The following DLGAP2 variants were observed in gnomAD, a reference collection of about 807,000 sequenced individuals.
DLGAP2 encodes the protein disks large-associated protein 2.
A neutral mutation model predicts 100.3 loss-of-function variants in DLGAP2; 26 were observed. The observed-to-expected ratio is 0.26, with a 90% CI of 0.19 to 0.36. The LOEUF (loss-of-function observed/expected upper bound fraction) is 0.36, where lower values mean the gene tolerates loss of function less well. Ranked by LOEUF, DLGAP2 falls within the 10% of genes least tolerant of loss-of-function variation. The probability of loss-of-function intolerance (pLI) is 1.00; values close to 1 mark genes in which losing one functional copy is unlikely to be tolerated. For synonymous variants in DLGAP2, 886 were observed against 630.1 expected (o/e 1.41, Z -6.08); for missense variants, 1,858 against 1,453.2 (o/e 1.28, Z -4.53).
intron 1 of DLGAP2, among the ~76,000 whole-genome samples, chr8:881,304 C>T (rs1490703860): frequency 2.0e-5 from 3 of 152,026 alleles, no homozygotes; most frequent in Non-Finnish European, 4.4e-5. Context: ...CTCATTTATT[C>T]CTCAGTTTTA....
intron 3 of DLGAP2, among the ~76,000 whole-genome samples, chr8:1,308,456 C>G (rs1467776029): frequency 6.6e-6 from 1 of 152,190 alleles, no homozygotes; most frequent in Non-Finnish European, 1.5e-5. Context: ...CAGTTTTCAA[C>G]AAAATGACTA....
chr8:1,427,280 T>C (rs945769603), intron 3 of DLGAP2, among the ~76,000 whole-genome samples: 11 of 152,180 alleles, frequency 7.2e-5, no homozygotes, highest in African/African-American at 2.2e-4. Context: ...TTAGTGAGGA[T>C]ATAGATGATT....
At chr8:1,476,761 CG>C (rs1563171904) in intron 3 of DLGAP2, among the ~76,000 whole-genome samples, 3 of 147,070 alleles carry the variant, frequency 2.0e-5, no homozygotes, top group African/African-American at 5.1e-5. Flanking sequence ...CCTTGATGGC[CG>C]AGTGCTGTCG....
intron 6 of DLGAP2, among the ~76,000 whole-genome samples, chr8:1,617,514 A>G (rs1319251997): frequency 6.6e-6 from 1 of 152,204 alleles, no homozygotes; most frequent in African/African-American, 2.4e-5. Context: ...TGTTGGCCAC[A>G]TGTATGTCTT....
chr8:1,175,467 T>G lies in DLGAP2; in HGVS notation c.74-83384T>G, dbSNP rs529314695. 2.6e-5 allele frequency among the ~76,000 whole-genome samples: 4 copies of G among 152,334 alleles called. No homozygotes were observed. The East Asian group carries it at 5.8e-4, about 22-fold the overall frequency. On this transcript the variant is annotated intron_variant, in intron 2 of 14. Coordinates refer to ENST00000637795, the MANE Select transcript of DLGAP2 (RefSeq NM_001346810.2). The stretch of plus-strand genomic sequence containing the variant: ...AAGGAAACTATTATAAAAGCATAAT[T>G]TGATCACTAATATATGTACTTGGGC...
intron 3 of DLGAP2, among the ~76,000 whole-genome samples, chr8:1,468,044 G>C (rs1287871033): frequency 2.6e-5 from 4 of 152,240 alleles, no homozygotes; most frequent in Non-Finnish European, 5.9e-5. Flanking sequence ...TGGGGGCGCT[G>C]TGGCTTGCAT....
chr8:1,506,911 G>C (rs968243776), intron 4 of DLGAP2, among the ~76,000 whole-genome samples: 4 of 152,210 alleles, frequency 2.6e-5, no homozygotes, highest in Non-Finnish European at 5.9e-5. Context: ...GTGCTGATTG[G>C]TGCATTTACA....
chr8:787,181 C>A (rs1821889182), intron 1 of DLGAP2, among the ~76,000 whole-genome samples: 1 of 152,190 alleles, frequency 6.6e-6, no homozygotes, highest in East Asian at 1.9e-4. Context: ...CTTCACCCAG[C>A]CTCAGCTGGT....
intron 4 of DLGAP2, among the ~76,000 whole-genome samples, chr8:1,525,126 T>C (rs533726659): frequency 6.6e-6 from 1 of 152,078 alleles, no homozygotes; most frequent in East Asian, 1.9e-4. Flanking sequence ...TTTTCAGCTG[T>C]TGTTAGGTCT....
intron 2 of DLGAP2, among the ~76,000 whole-genome samples, chr8:1,053,181 G>T (rs777186634): frequency 1.3e-5 from 2 of 152,170 alleles, no homozygotes; most frequent in African/African-American, 2.4e-5. Flanking sequence ...CAAAATAGAA[G>T]CGCGGATGTG....
chr8:879,499 AT>A (rs1797745859), intron 1 of DLGAP2, among the ~76,000 whole-genome samples: 1 of 152,180 alleles, frequency 6.6e-6, no homozygotes, highest in South Asian at 2.1e-4. Flanking sequence ...TTCTGCCATC[AT>A]CCCTGCCTTA....
At chr8:1,052,310 C>A (rs1283590188) in intron 2 of DLGAP2, among the ~76,000 whole-genome samples, 1 of 152,224 alleles carries the variant, frequency 6.6e-6, no homozygotes, top group Non-Finnish European at 1.5e-5. Flanking sequence ...ACATACTTTA[C>A]ATGCAAAACC....
intron 2 of DLGAP2, among the ~76,000 whole-genome samples, chr8:1,113,491 C>G (rs2129046242): frequency 6.6e-6 from 1 of 152,258 alleles, no homozygotes; most frequent in South Asian, 2.1e-4. Context: ...CCTGATTTAG[C>G]TCTCAGCTTG....
At chr8:1,055,196 T>G (rs1232504270) in intron 2 of DLGAP2, among the ~76,000 whole-genome samples, 1 of 152,246 alleles carries the variant, frequency 6.6e-6, no homozygotes, top group Non-Finnish European at 1.5e-5. Flanking sequence ...ATTGTGTGAT[T>G]ATGTGATGAC....
At chr8:1,139,053 TTTG>T (rs1299706846) in intron 2 of DLGAP2, among the ~76,000 whole-genome samples, 1 of 152,212 alleles carries the variant, frequency 6.6e-6, no homozygotes, top group Non-Finnish European at 1.5e-5. Flanking sequence ...TGAAGGAACT[TTTG>T]AAATTGCTCT....
intron 3 of DLGAP2, among the ~76,000 whole-genome samples, chr8:1,415,517 G>A (rs549021916): frequency 6.5e-4 from 99 of 152,006 alleles, no homozygotes; most frequent in Non-Finnish European, 8.2e-4. Context: ...TTATGTCCAC[G>A]TGTGCCCTAT....
At chr8:1,203,096 C>T (rs1258171285) in intron 2 of DLGAP2, among the ~76,000 whole-genome samples, 1 of 151,244 alleles carries the variant, frequency 6.6e-6, no homozygotes, top group African/African-American at 2.4e-5. Context: ...TTGGGTGTTT[C>T]TCTTAGGGTT....
chr8:1,278,513 A>T lies in DLGAP2; in HGVS notation c.106+19630A>T, dbSNP rs527362812. ...AAAACAACTGCATATCATTCTGTTT[A>T]CTTACTGGTACTGTCAGGAACTTGA... On this transcript the variant is annotated intron_variant, in intron 3 of 14. Coordinates refer to ENST00000637795, the MANE Select transcript of DLGAP2 (RefSeq NM_001346810.2). Among the ~76,000 whole-genome samples the T allele has an allele frequency of 3.9e-5, 6 of 152,356 alleles. No homozygotes were observed. The South Asian group carries it at 1.2e-3, about 32-fold the overall frequency.
At chr8:1,193,878 G>A (rs373354090) in intron 2 of DLGAP2, among the ~76,000 whole-genome samples, 20 of 152,194 alleles carry the variant, frequency 1.3e-4, no homozygotes, top group African/African-American at 4.3e-4. Flanking sequence ...TCCGCACCGC[G>A]CCGCCCCCGC....
Sources: allele counts gnomAD v4.1 joint callset (sites outside exome capture counted in the v4.1 genomes callset), GRCh38; gene constraint gnomAD v4.1.1; transcripts MANE v1.5; gene names NCBI Gene and HGNC (gene_info 2026-07-23, HGNC 2026-07-21).